PGM2L1: variants seen among roughly 807,000 people sequenced by gnomAD.
PGM2L1 encodes the protein phosphoglucomutase 2 like 1.
PGM2L1 carries 35 observed loss-of-function variants against 73.4 expected under a neutral mutation model. That is an observed-to-expected ratio of 0.48 (90% CI 0.36 to 0.63). The LOEUF (loss-of-function observed/expected upper bound fraction) is 0.63, where lower values mean the gene tolerates loss of function less well. Ranked by LOEUF, PGM2L1 falls within the 30% of genes least tolerant of loss-of-function variation. The pLI, the probability that PGM2L1 is intolerant of heterozygous loss-of-function variation, is 0.00. For synonymous variants in PGM2L1, 225 were observed against 253.8 expected (o/e 0.89, Z 1.08); for missense variants, 570 against 742.0 (o/e 0.77, Z 2.69).
At chr11:74,385,107 C>T (rs1055287813) in intron 1 of PGM2L1, among the ~76,000 whole-genome samples, 1 of 152,188 alleles carries the variant, frequency 6.6e-6, no homozygotes, top group African/African-American at 2.4e-5. Flanking sequence ...CATTAAATAA[C>T]ACCTTCAAAC....
intron 8 of PGM2L1, among the ~76,000 whole-genome samples, chr11:74,346,270 C>CAAAA (rs751742460): frequency 1.7e-5 from 1 of 57,880 alleles, no homozygotes; most frequent in Non-Finnish European, 3.0e-5. Context: ...ACTATGTCTC[C>CAAAA]AAAAAAAAAA....
In PGM2L1 at chr11:74,335,929, A is replaced by C. The variant is rs1432438339; in HGVS notation, c.*723T>G. 7 of 152,678 alleles carry C rather than the reference A, an allele frequency of 4.6e-5. No homozygotes were observed. Among genetic ancestry groups the C allele is most frequent in the Admixed American group, 4.6e-4 (7 of 15,286 alleles). 9.5% of individuals were successfully genotyped at this position (152,678 alleles called of 1,614,324 possible). On this transcript the variant is annotated 3_prime_UTR_variant, in exon 14 of 14. Transcript: ENST00000298198. ...TGCAGGAACACTGTTTTTTCTGTTCACACCAGACCCTGAGAAGGCACTGAG... is the reference window on the plus strand; with the variant it reads ...TGCAGGAACACTGTTTTTTCTGTTCCCACCAGACCCTGAGAAGGCACTGAG...
chr11:74,384,265 G>T (rs1441795094), intron 1 of PGM2L1, among the ~76,000 whole-genome samples: 6 of 151,524 alleles, frequency 4.0e-5, no homozygotes, highest in African/African-American at 1.5e-4. Context: ...CTTAATTTTG[G>T]TTATTGTATT....
chr11:74,350,919 AAGAGAGAGAGAGAGAG>A (rs373985712), intron 6 of PGM2L1, among the ~76,000 whole-genome samples: 3 of 135,532 alleles, frequency 2.2e-5, no homozygotes, highest in African/African-American at 5.8e-5. Flanking sequence ...GAGAGAGAGA[AAGAGAGAGAGAGAGAG>A]AGAAAGAAAC....
intron 1 of PGM2L1, among the ~76,000 whole-genome samples, chr11:74,388,161 G>T (rs1033109668): frequency 6.6e-6 from 1 of 152,160 alleles, no homozygotes; most frequent in African/African-American, 2.4e-5. Flanking sequence ...AGGGAAGGAG[G>T]AATGGAGAGT....
intron 1 of PGM2L1, among the ~76,000 whole-genome samples, chr11:74,386,993 G>A (rs778565383): frequency 1.3e-5 from 2 of 152,126 alleles, no homozygotes; most frequent in South Asian, 2.1e-4. Context: ...ATGATTTAAC[G>A]AAATGGGAAC....
At chr11:74,359,780 G>A (rs1008220489) in intron 5 of PGM2L1, among the ~76,000 whole-genome samples, 3 of 151,990 alleles carry the variant, frequency 2.0e-5, no homozygotes, top group Admixed American at 2.0e-4. Flanking sequence ...GAACAGAAAT[G>A]AAAACTGGAA....
rs61026077 is a variant in PGM2L1 at position 74,383,824 on chromosome 11, A to AATAAATATATATATATAT, written c.112-9243_112-9242insATATATATATATATTTAT. Among the ~76,000 whole-genome samples, 234 of 121,828 alleles carry AATAAATATATATATATAT rather than the reference A, an allele frequency of 1.9e-3. 2 individuals carry two copies. Among genetic ancestry groups the AATAAATATATATATATAT allele is most frequent in the South Asian group, 0.015 (57 of 3,742 alleles). The allele number at this position is 121,828 out of a possible 152,430, so 79.9% of individuals were successfully genotyped here. ...AGTATTCTATGGAGATATATAAATA[A>AATAAATATATATATATAT]ATATATATATATATATATAACATTT... is the stretch of plus-strand genomic sequence containing the variant. On this transcript the variant is annotated intron_variant, in intron 1 of 13. Coordinates refer to ENST00000298198, the MANE Select transcript of PGM2L1 (RefSeq NM_173582.6).
rs1360239808 is a variant in PGM2L1, at chr11:74,332,539, C to A, written c.*4113G>T. ...ACAGGGCAATAGTCCTTCACAGTAA[C>A]AAAATGTGCAAGGGTGCCTAGGAAA... On this transcript the variant is annotated 3_prime_UTR_variant, in exon 14 of 14. Transcript: ENST00000298198. The A allele has an allele frequency of 6.6e-6, 1 of 152,432 alleles. No individual in the cohort carries two copies. Among genetic ancestry groups the A allele is most frequent in the Non-Finnish European group, 1.5e-5 (1 of 67,990 alleles). The allele number at this position is 152,432 out of a possible 1,614,324, so 9.4% of individuals were successfully genotyped here.
Position 74,343,422 on chromosome 11 carries a change from A to G in PGM2L1, c.1219-6T>C. 1 of 1,604,116 alleles carries G rather than the reference A, an allele frequency of 6.2e-7. No homozygotes were observed. Among genetic ancestry groups the G allele is most frequent in the Non-Finnish European group, 8.5e-7 (1 of 1,177,572 alleles). ...TTAAAACCTGGTAATGTTTCCTGAAATGCAGAGGAGGCCACTCTAGTTAAG... is the reference window on the plus strand; with the variant it reads ...TTAAAACCTGGTAATGTTTCCTGAAGTGCAGAGGAGGCCACTCTAGTTAAG... On this transcript the variant is annotated splice_region_variant and splice_polypyrimidine_tract_variant and intron_variant, in intron 9 of 13. Coordinates refer to ENST00000298198, the MANE Select transcript of PGM2L1 (RefSeq NM_173582.6).
At chr11:74,396,928 T>G (rs940822572) in intron 1 of PGM2L1, among the ~76,000 whole-genome samples, 29 of 152,242 alleles carry the variant, frequency 1.9e-4, no homozygotes, top group African/African-American at 7.0e-4. Context: ...CCTCATCTGC[T>G]AACTGAGGCT....
chr11:74,332,899 C>A lies in PGM2L1; in HGVS notation c.*3753G>T, dbSNP rs1419637506. 2 of 152,556 alleles carry A rather than the reference C, an allele frequency of 1.3e-5. No homozygotes were observed. The highest frequency in any genetic ancestry group is 2.9e-5 in the Non-Finnish European group (2 of 68,022). The allele number at this position is 152,556 out of a possible 1,614,324, so 9.5% of individuals were successfully genotyped here. ...ATAACCTAAGCCACTATACATTCTTCAAGATGAACAAAATTTTGTTCAAGT... is the reference window on the plus strand; with the variant it reads ...ATAACCTAAGCCACTATACATTCTTAAAGATGAACAAAATTTTGTTCAAGT... On this transcript the variant is annotated 3_prime_UTR_variant, in exon 14 of 14. Coordinates refer to ENST00000298198, the MANE Select transcript of PGM2L1 (RefSeq NM_173582.6).
chr11:74,366,574 A>G (rs1214023742), intron 5 of PGM2L1, among the ~76,000 whole-genome samples: 1 of 151,962 alleles, frequency 6.6e-6, no homozygotes, highest in Non-Finnish European at 1.5e-5. Flanking sequence ...TCCTTCAAGG[A>G]AGCACTATCT....
intron 1 of PGM2L1, among the ~76,000 whole-genome samples, chr11:74,385,774 C>T (rs765458897): frequency 1.3e-5 from 2 of 151,856 alleles, no homozygotes; most frequent in Non-Finnish European, 2.9e-5. Context: ...AGAAAGGAAA[C>T]AATAATATGC....
chr11:74,362,022 C>A (rs1862572516), intron 5 of PGM2L1, among the ~76,000 whole-genome samples: 1 of 152,156 alleles, frequency 6.6e-6, no homozygotes, highest in South Asian at 2.1e-4. Flanking sequence ...GGCAGGCCAA[C>A]ATTCAAATTC....
intron 6 of PGM2L1, among the ~76,000 whole-genome samples, chr11:74,349,324 C>T (rs1862314326): frequency 1.3e-5 from 2 of 152,122 alleles, no homozygotes; most frequent in African/African-American, 4.8e-5. Flanking sequence ...CAATAAACTG[C>T]TTTTTTAGTA....
At chr11:74,352,573 T>C (rs965728638) in intron 5 of PGM2L1, among the ~76,000 whole-genome samples, 8 of 152,056 alleles carry the variant, frequency 5.3e-5, no homozygotes, top group African/African-American at 1.7e-4. Context: ...ATGACACAAA[T>C]CCCCTCTATT....
At chr11:74,345,239 G>A (rs1354513304) in intron 9 of PGM2L1, among the ~76,000 whole-genome samples, 2 of 152,156 alleles carry the variant, frequency 1.3e-5, no homozygotes, top group Non-Finnish European at 2.9e-5. Flanking sequence ...AAGTATTAAT[G>A]TAATTTTTAA....
intron 3 of PGM2L1, among the ~76,000 whole-genome samples, chr11:74,371,226 C>T (rs1862748004): frequency 6.6e-6 from 1 of 151,992 alleles, no homozygotes; most frequent in Non-Finnish European, 1.5e-5. Flanking sequence ...CTCTTTTTCC[C>T]TCATTCATCT....
Sources: allele counts gnomAD v4.1 joint callset (sites outside exome capture counted in the v4.1 genomes callset), GRCh38; gene constraint gnomAD v4.1.1; transcripts MANE v1.5; gene names NCBI Gene and HGNC (gene_info 2026-07-23, HGNC 2026-07-21).